Variants in PCDHA8 observed in about 807,000 individuals in gnomAD.
The protein encoded by PCDHA8 is protocadherin alpha 8.
Under a neutral mutation model 61.8 loss-of-function variants are expected in PCDHA8, and 53 were observed. The observed-to-expected ratio is 0.86, with a 90% CI of 0.69 to 1.08. The LOEUF (loss-of-function observed/expected upper bound fraction) is 1.08, where lower values mean the gene tolerates loss of function less well. Ranked by LOEUF, PCDHA8 falls within the 50% of genes least tolerant of loss-of-function variation. The pLI is 0.00. For missense variants in PCDHA8, 1,293 were observed against 1,245.0 expected (o/e 1.04, Z -0.58); for synonymous variants, 618 against 556.6 (o/e 1.11, Z -1.55).
At chr5:140,874,188 A>G (rs1478438376) in intron 1 of PCDHA8, among the ~76,000 whole-genome samples, 2 of 152,208 alleles carry the variant, frequency 1.3e-5, no homozygotes, top group Non-Finnish European at 2.9e-5. Flanking sequence ...TAAAGGTGTC[A>G]TATTTCAGTT....
chr5:140,943,257 C>CA (rs1238620023), intron 1 of PCDHA8, among the ~76,000 whole-genome samples: 3,333 of 76,804 alleles, frequency 0.043, 169 homozygotes, highest in Admixed American at 0.1. Context: ...GACTCTGTCT[C>CA]AAAAAAAAAA....
At chr5:140,974,910 C>T (rs1054560750) in intron 1 of PCDHA8, among the ~76,000 whole-genome samples, 1 of 152,114 alleles carries the variant, frequency 6.6e-6, no homozygotes, top group Admixed American at 6.5e-5. Flanking sequence ...AACAAATTAC[C>T]ACAAGTAAGT....
At chr5:140,850,796 C>T (rs1344673921) in intron 1 of PCDHA8, 7 of 1,598,190 alleles carry the variant, frequency 4.4e-6, no homozygotes, top group African/African-American at 1.3e-5. Context: ...AGCAGAAGAC[C>T]GACCTCATGG....
chr5:140,906,822 T>C (rs2072968102), intron 1 of PCDHA8, among the ~76,000 whole-genome samples: 1 of 152,142 alleles, frequency 6.6e-6, no homozygotes, highest in African/African-American at 2.4e-5. Context: ...CACTGTGGAG[T>C]AGTAGACTGA....
At chr5:140,880,822 A>G (rs893258483) in intron 1 of PCDHA8, among the ~76,000 whole-genome samples, 1 of 152,206 alleles carries the variant, frequency 6.6e-6, no homozygotes, top group Non-Finnish European at 1.5e-5. Context: ...GAGTGTCTGG[A>G]AGGGCATATT....
At chr5:140,873,801 C>G (rs2054500183) in intron 1 of PCDHA8, among the ~76,000 whole-genome samples, 1 of 152,180 alleles carries the variant, frequency 6.6e-6, no homozygotes, top group Non-Finnish European at 1.5e-5. Flanking sequence ...GCTGGGACTA[C>G]AGGCATGCAC....
chr5:140,853,365 G>C (rs2150531166), intron 1 of PCDHA8: 504,759 of 981,110 alleles, frequency 0.51, 151,971 homozygotes, highest in South Asian at 0.62. Flanking sequence ...CAGGGATCCA[G>C]AGATGGTAAA....
chr5:140,995,684 A>G (rs2097694657), intron 3 of PCDHA8, among the ~76,000 whole-genome samples: 1 of 152,144 alleles, frequency 6.6e-6, no homozygotes, highest in Non-Finnish European at 1.5e-5. Context: ...ATTTTTTTTA[A>G]TTGTTAAATA....
intron 1 of PCDHA8, among the ~76,000 whole-genome samples, chr5:140,963,688 G>A (rs185853589): frequency 5.9e-5 from 9 of 152,274 alleles, no homozygotes; most frequent in Admixed American, 5.9e-4. Context: ...GTTTATCCGT[G>A]TTTGATATCT....
chr5:141,006,979 G>T (rs1236461454), intron 3 of PCDHA8, among the ~76,000 whole-genome samples: 1 of 152,156 alleles, frequency 6.6e-6, no homozygotes, highest in Non-Finnish European at 1.5e-5. Context: ...ACAGAGAGAT[G>T]TGGGCTTAAA....
intron 1 of PCDHA8, chr5:140,857,619 A>G: frequency 6.3e-7 from 1 of 1,596,352 alleles, no homozygotes; most frequent in Non-Finnish European, 8.6e-7. Flanking sequence ...CCGCTGGACC[A>G]CGAGGAGCTG....
chr5:140,968,564 G>C (rs565573880), intron 1 of PCDHA8: 1 of 1,614,168 alleles, frequency 6.2e-7, no homozygotes, highest in South Asian at 1.1e-5. Context: ...AACTGCCCCT[G>C]CTGGCTACCT....
intron 1 of PCDHA8, chr5:140,871,154 G>T (rs781880372): frequency 2.5e-5 from 41 of 1,613,308 alleles, no homozygotes; most frequent in Non-Finnish European, 3.5e-5. Flanking sequence ...ACTTTGGCGG[G>T]CGCCGCGAGC....
At chr5:140,962,665 C>G (rs1457197885) in intron 1 of PCDHA8, among the ~76,000 whole-genome samples, 1 of 152,146 alleles carries the variant, frequency 6.6e-6, no homozygotes, top group African/African-American at 2.4e-5. Context: ...TTTTCATCTT[C>G]CCATCCACTG....
Position 140,982,555 on chromosome 5 carries a change from C to T in PCDHA8, c.2534C>T (p.Ala845Val). The change falls in exon 3 of 4, where the codon GCA becomes GTA. Residue 845 changes from alanine (A) to valine (V), a missense_variant. Transcript: ENST00000531613. Reference sequence around the variant, plus strand: ...CAGCAGTGGCCAACAGTATCCAGTGCAACACCAGGTAAAGAGCTGGGGTCT... The same window carrying T: ...CAGCAGTGGCCAACAGTATCCAGTGTAACACCAGGTAAAGAGCTGGGGTCT... Reference protein sequence around the residue: ...PDQQWPTVSSATPEPEAGEVS... With the variant: ...PDQQWPTVSSVTPEPEAGEVS... The T allele has an allele frequency of 6.2e-7, 1 of 1,614,108 alleles. No homozygotes were observed. The highest frequency in any genetic ancestry group is 8.5e-7 in the Non-Finnish European group (1 of 1,179,990).
intron 3 of PCDHA8, among the ~76,000 whole-genome samples, chr5:140,994,980 C>A (rs1311252472): frequency 4.6e-5 from 7 of 151,992 alleles, no homozygotes; most frequent in Admixed American, 1.3e-4. Flanking sequence ...CCATGGAGAC[C>A]CACTAGAAGG....
intron 1 of PCDHA8, among the ~76,000 whole-genome samples, chr5:140,964,239 GTTGGC>G (rs2095819198): frequency 6.6e-6 from 1 of 152,180 alleles, no homozygotes; most frequent in African/African-American, 2.4e-5. Context: ...GGCTGATTGT[GTTGGC>G]TTTATATTTG....
At chr5:140,859,044 G>A (rs1228604447) in intron 1 of PCDHA8, 2 of 150,376 alleles carry the variant, frequency 1.3e-5, no homozygotes, top group Non-Finnish European at 3.0e-5. Flanking sequence ...CTTTAAAAAC[G>A]TTTTCCATTT....
At chr5:140,932,312 T>C (rs2088188856) in intron 1 of PCDHA8, among the ~76,000 whole-genome samples, 1 of 151,922 alleles carries the variant, frequency 6.6e-6, no homozygotes, top group Admixed American at 6.6e-5. Context: ...GGTATAAATA[T>C]ATTAATGTAG....
Sources: gnomAD v4.1 joint callset for allele counts (sites outside exome capture counted in the v4.1 genomes callset) on GRCh38, gnomAD v4.1.1 for gene constraint, MANE v1.5 for transcripts, NCBI Gene and HGNC (gene_info 2026-07-23, HGNC 2026-07-21) for gene names.